KCNMA1: variants seen among roughly 807,000 people sequenced by gnomAD.
The protein encoded by KCNMA1 is potassium calcium-activated channel subfamily M alpha 1, also known as Calcium-activated potassium channel subunit alpha-1.
In KCNMA1, 29 loss-of-function variants were observed where a neutral mutation model predicts 140.0. That is an observed-to-expected ratio of 0.21 (90% confidence interval 0.15 to 0.28). The LOEUF (loss-of-function observed/expected upper bound fraction) is 0.28, where lower values mean the gene tolerates loss of function less well. Ranked by LOEUF, KCNMA1 falls within the 10% of genes least tolerant of loss-of-function variation. The pLI is 1.00. For synonymous variants in KCNMA1, 612 were observed against 611.9 expected (o/e 1.00, Z 0.00); for missense variants, 880 against 1,602.2 (o/e 0.55, Z 7.70).
chr10:77,033,045 CT>C (rs2094051878), intron 15 of KCNMA1, among the ~76,000 whole-genome samples: 1 of 152,178 alleles, frequency 6.6e-6, no homozygotes, highest in Admixed American at 6.5e-5. Context: ...ATCATTCCCC[CT>C]GAACCCAACC....
intron 1 of KCNMA1, among the ~76,000 whole-genome samples, chr10:77,453,947 A>G (rs1158861309): frequency 6.6e-6 from 1 of 152,186 alleles, no homozygotes; most frequent in African/African-American, 2.4e-5. Flanking sequence ...TGAGAATAGC[A>G]GCGTCTCTGT....
At chr10:77,637,028 G>A in intron 1 of KCNMA1, 1 of 1,413,970 alleles carries the variant, frequency 7.1e-7, no homozygotes, top group Non-Finnish European at 9.2e-7. Flanking sequence ...AAGAGGACAG[G>A]ATTGAGCGTC....
chr10:77,510,356 C>G (rs527529876), intron 1 of KCNMA1, among the ~76,000 whole-genome samples: 35 of 152,146 alleles, frequency 2.3e-4, no homozygotes, highest in Admixed American at 2.0e-4. Context: ...AGCATACCTA[C>G]TAGTAAATAC....
At chr10:77,454,064 T>C (rs2097712748) in intron 1 of KCNMA1, among the ~76,000 whole-genome samples, 2 of 152,154 alleles carry the variant, frequency 1.3e-5, no homozygotes, top group Non-Finnish European at 2.9e-5. Flanking sequence ...CTTGATCATG[T>C]CCCAGAAAAT....
chr10:77,506,609 G>T (rs1457811648), intron 1 of KCNMA1, among the ~76,000 whole-genome samples: 1 of 145,444 alleles, frequency 6.9e-6, no homozygotes, highest in Non-Finnish European at 1.5e-5. Flanking sequence ...GTGTGTGTGT[G>T]TGTGTGTGTG....
At chr10:77,408,828 A>C (rs949039109) in intron 1 of KCNMA1, among the ~76,000 whole-genome samples, 1 of 152,092 alleles carries the variant, frequency 6.6e-6, no homozygotes, top group Non-Finnish European at 1.5e-5. Context: ...GCCACTCTGG[A>C]TCTGCCTCCA....
chr10:77,374,290 G>A (rs571364798), intron 2 of KCNMA1, among the ~76,000 whole-genome samples: 41 of 152,236 alleles, frequency 2.7e-4, no homozygotes, highest in African/African-American at 9.1e-4. Context: ...ATTTAAGCTA[G>A]TCTGAGCTCA....
intron 3 of KCNMA1, among the ~76,000 whole-genome samples, chr10:77,241,651 G>GAA (rs796215100): frequency 7.0e-6 from 1 of 143,324 alleles, no homozygotes; most frequent in African/African-American, 2.5e-5. Context: ...CTGTCTCAAA[G>GAA]AAAAAAAAAA....
At chr10:77,023,993 T>C (rs1456247091) in intron 16 of KCNMA1, among the ~76,000 whole-genome samples, 1 of 152,202 alleles carries the variant, frequency 6.6e-6, no homozygotes, top group East Asian at 1.9e-4. Context: ...CCTGCATCCA[T>C]CTCAGTAACT....
intron 9 of KCNMA1, among the ~76,000 whole-genome samples, chr10:77,096,711 A>G (rs2096941411): frequency 1.3e-5 from 2 of 152,208 alleles, no homozygotes; most frequent in Admixed American, 6.5e-5. Context: ...AAAATCCTAT[A>G]CAGCTTTGCC....
At chr10:76,948,032 T>G (rs2064850134) in intron 22 of KCNMA1, among the ~76,000 whole-genome samples, 1 of 152,156 alleles carries the variant, frequency 6.6e-6, no homozygotes, top group African/African-American at 2.4e-5. Context: ...TGAGGCAGGC[T>G]CTTGTTCTGT....
At chr10:76,974,547 A>G (rs1471354120) in intron 19 of KCNMA1, 1 of 1,549,540 alleles carries the variant, frequency 6.5e-7, no homozygotes, top group African/African-American at 1.4e-5. Context: ...GGATCTTTGG[A>G]ATAGCGTGAT....
At chr10:77,557,402 A>T (rs2064878856) in intron 1 of KCNMA1, among the ~76,000 whole-genome samples, 1 of 152,200 alleles carries the variant, frequency 6.6e-6, no homozygotes, top group Non-Finnish European at 1.5e-5. Context: ...GCCAGAGGTG[A>T]CAGAAATAGG....
At chr10:77,193,004 C>T (rs1290410781) in intron 3 of KCNMA1, among the ~76,000 whole-genome samples, 3 of 151,748 alleles carry the variant, frequency 2.0e-5, no homozygotes, top group Non-Finnish European at 4.4e-5. Flanking sequence ...CCATAAGTCA[C>T]TTTAATGAGT....
chr10:77,585,085 T>C (rs1057067286), intron 1 of KCNMA1, among the ~76,000 whole-genome samples: 10 of 152,212 alleles, frequency 6.6e-5, no homozygotes, highest in Non-Finnish European at 1.3e-4. Context: ...AGCAGATCTT[T>C]TGTACTTGGC....
chr10:77,601,184 C>G (rs1474123964), intron 1 of KCNMA1, among the ~76,000 whole-genome samples: 1 of 152,160 alleles, frequency 6.6e-6, no homozygotes, highest in Admixed American at 6.5e-5. Context: ...CTCTAAGAGG[C>G]AGGGTCTCGG....
Position 77,387,556 on chromosome 10 carries a change from T to TTTTTTTTCTTTTCTCTTTTC in KCNMA1, c.540+16305_540+16306insGAAAAGAGAAAAGAAAAAAA, listed in dbSNP as rs2095651161. Among the ~76,000 whole-genome samples the TTTTTTTTCTTTTCTCTTTTC allele has an allele frequency of 6.2e-5, 7 of 113,160 alleles. No homozygotes were observed. In the South Asian group the frequency reaches 1.2e-3, roughly 19 times the overall value. 74.2% of individuals were successfully genotyped at this position (113,160 alleles called of 152,430 possible). A position where few individuals can be genotyped will look rare whatever the true frequency, so the allele number is the denominator to read the frequency against. On this transcript the variant is annotated intron_variant, in intron 2 of 27. Coordinates refer to ENST00000286628, the MANE Select transcript of KCNMA1 (RefSeq NM_001161352.2). ...TTTTCTTTTCTTTTCTTTTCTTTTC[T>TTTTTTTTCTTTTCTCTTTTC]TTTTCTTTTCTTTTCTTTTTTTTCT...
At chr10:76,982,364 G>A (rs1002181049) in intron 19 of KCNMA1, among the ~76,000 whole-genome samples, 2 of 151,356 alleles carry the variant, frequency 1.3e-5, no homozygotes, top group Non-Finnish European at 2.9e-5. Context: ...AAAAGAAGAC[G>A]ACTTGAAACA....
intron 1 of KCNMA1, among the ~76,000 whole-genome samples, chr10:77,572,603 T>TATATATATATATATATATATAA (rs1491270036): frequency 1.4e-4 from 14 of 98,654 alleles, no homozygotes; most frequent in Non-Finnish European, 2.3e-4. Context: ...TATATATATA[T>TATATATATATATATATATATAA]AAATTAGCTG....
Sources: gnomAD v4.1 joint callset for allele counts (sites outside exome capture counted in the v4.1 genomes callset) on GRCh38, gnomAD v4.1.1 for gene constraint, MANE v1.5 for transcripts, NCBI Gene and HGNC (gene_info 2026-07-23, HGNC 2026-07-21) for gene names.